The following HAUS8 variants were observed in gnomAD, a reference collection of about 807,000 sequenced individuals.
The protein encoded by HAUS8 is HAUS augmin like complex subunit 8.
A neutral mutation model predicts 42.9 loss-of-function variants in HAUS8; 38 were observed. The ratio of observed to expected loss-of-function variants is 0.89; its 90% CI spans 0.68 to 1.16. The LOEUF (loss-of-function observed/expected upper bound fraction) is 1.16, where lower values mean the gene tolerates loss of function less well. Among genes scored for constraint, HAUS8 ranks in the 50% most tolerant of loss-of-function variants. The pLI, the probability that HAUS8 is intolerant of heterozygous loss-of-function variation, is 0.00. For missense variants in HAUS8, 494 were observed against 511.6 expected, an observed-to-expected ratio of 0.97 and a Z score of 0.33; for synonymous variants, 199 against 205.8, an observed-to-expected ratio of 0.97 and a Z score of 0.28.
chr19:17,061,699 C>T (rs1432904872), intron 4 of HAUS8, among the ~76,000 whole-genome samples: 1 of 152,142 alleles, frequency 6.6e-6, no homozygotes, highest in Non-Finnish European at 1.5e-5. Context: ...TGGCCTCCAC[C>T]CACCAGACGC....
chr19:17,054,466 G>C (rs2123360520), intron 9 of HAUS8, among the ~76,000 whole-genome samples: 1 of 151,218 alleles, frequency 6.6e-6, no homozygotes, highest in Non-Finnish European at 1.5e-5. Context: ...ATCAGCCTGG[G>C]CAACATAGCC....
In HAUS8 at chr19:17,059,643, T is replaced by C. The variant is rs1380237334; in HGVS notation, c.334A>G (p.Ile112Val). Reference sequence around the variant, plus strand: ...GCTAACTGTGGCGTCTTTTTGACGATGCTTTTGTCTAAGATAAAGCACAGC... The same window carrying C: ...GCTAACTGTGGCGTCTTTTTGACGACGCTTTTGTCTAAGATAAAGCACAGC... Reference protein sequence around the residue: ...LDLSAINDKSIVKKTPQLAKT... With the variant: ...LDLSAINDKSVVKKTPQLAKT... The change falls in exon 6 of 11, where the codon ATC becomes GTC. Residue 112 changes from isoleucine (I) to valine (V), a missense_variant. Physicochemically the swap from Ile to Val is conservative, Grantham distance 29. Transcript: ENST00000253669. The C allele has an allele frequency of 1.9e-6, 3 of 1,612,270 alleles. No individual in the cohort carries two copies. The highest frequency in any genetic ancestry group is 4.5e-5 in the East Asian group (2 of 44,896).
intron 10 of HAUS8, among the ~76,000 whole-genome samples, chr19:17,050,602 T>A (rs934378443): frequency 1.3e-5 from 2 of 152,008 alleles, no homozygotes; most frequent in African/African-American, 4.8e-5. Context: ...TATACAAAAA[T>A]TTTTTTAAAA....
In HAUS8 at chr19:17,060,047, A is replaced by T. The variant is rs769447333; in HGVS notation, c.275T>A (p.Leu92Gln). 1 of 1,613,752 alleles carries T rather than the reference A, an allele frequency of 6.2e-7. No individual in the cohort carries two copies. The highest frequency in any genetic ancestry group is 1.7e-5 in the Admixed American group (1 of 59,992). The change falls in exon 5 of 11, where the codon CTG (leucine) becomes CAG (glutamine). Residue 92 changes from leucine (L) to glutamine (Q), a missense_variant. By Grantham distance (113) the Leu-to-Gln change is moderately radical. Coordinates refer to ENST00000253669, the MANE Select transcript of HAUS8 (RefSeq NM_033417.2). ...VGKGDLQSTL[L>Q]EGHGTAPPDL... The stretch of plus-strand genomic sequence containing the variant: ...AGGTGGAGCTGTGCCATGCCCTTCC[A>T]GCAACGTGGACTGCAGGTCACCCTT...
At chr19:17,073,495 C>G in intron 1 of HAUS8, 160 bp from the exon 2 acceptor site, 1 of 701,260 alleles carries the variant, frequency 1.4e-6, no homozygotes, top group Non-Finnish European at 2.6e-6. Flanking sequence ...AAAAGGGACA[C>G]AAGGAGCAGC....
chr19:17,050,268 G>A, intron 10 of HAUS8, 92 bp from the exon 11 acceptor site: 1 of 974,402 alleles, frequency 1.0e-6, no homozygotes, highest in Non-Finnish European at 1.4e-6. Flanking sequence ...CGGGGAGGCG[G>A]ATTTTCACAT....
intron 1 of HAUS8, chr19:17,073,666 C>T (rs550623759): frequency 1.4e-5 from 4 of 294,618 alleles, no homozygotes; most frequent in South Asian, 1.2e-4. Flanking sequence ...CCAGTAGAGA[C>T]ACAGTGGTAA....
Position 17,055,165 on chromosome 19 carries a change from T to A in HAUS8, c.787+696A>T, listed in dbSNP as rs1442344080. ...AAAAATATATATATATATATATATA[T>A]ATATATATATATATATATATATATA... On this transcript the variant is annotated intron_variant, in intron 9 of 10. Coordinates refer to ENST00000253669, the MANE Select transcript of HAUS8 (RefSeq NM_033417.2). The A allele has an allele frequency of 4.4e-4, 19 of 42,954 alleles. 1 individual carries two copies. The highest frequency in any genetic ancestry group is 5.4e-4 in the African/African-American group (4 of 7,352). The allele number at this position is 42,954 out of a possible 1,614,324, so 2.7% of individuals were successfully genotyped here. A position where few individuals can be genotyped will look rare whatever the true frequency, so the allele number is the denominator to read the frequency against.
At chr19:17,066,049 T>C (rs577551299) in intron 3 of HAUS8, among the ~76,000 whole-genome samples, 1 of 151,988 alleles carries the variant, frequency 6.6e-6, no homozygotes, top group Non-Finnish European at 1.5e-5. Flanking sequence ...TCAACCTCCT[T>C]GGCTCAAATG....
chr19:17,067,463 G>A lies in HAUS8; in HGVS notation c.147+1568C>T, dbSNP rs369782726. On this transcript the variant is annotated intron_variant, in intron 3 of 10. Coordinates refer to ENST00000253669, the MANE Select transcript of HAUS8 (RefSeq NM_033417.2). ...CGTTCTGTAGCTTGATTATAGAGGC[G>A]GTTCCATGACTGTCTATGTCTGTCA... 2.6e-5 allele frequency among the ~76,000 whole-genome samples: 4 copies of A among 152,096 alleles called. No individual in the cohort carries two copies. The East Asian group carries it at 5.8e-4, about 22-fold the overall frequency.
chr19:17,069,025 C>T lies in HAUS8; in HGVS notation c.147+6G>A. ...TGCTGCAAATGGAAGCTGGGTGCGG[C>T]CTTACCTTTTGGGTTGTCTTCTTTT... On this transcript the variant is annotated splice_donor_region_variant and intron_variant, in intron 3 of 10. Transcript: ENST00000253669. The T allele has an allele frequency of 6.2e-7, 1 of 1,612,298 alleles. No homozygotes were observed. The highest frequency in any genetic ancestry group is 8.5e-7 in the Non-Finnish European group (1 of 1,178,944).
rs572891367 is a variant in HAUS8, at chr19:17,071,401, G to A, written c.91+1873C>T. On this transcript the variant is annotated intron_variant, in intron 2 of 10. Coordinates refer to ENST00000253669, the MANE Select transcript of HAUS8 (RefSeq NM_033417.2). ...CGAGTGTGGGTGCAGGTGGGTGCCC[G>A]GCAGATGTGGACAATCGGAAGGCCA... Among the ~76,000 whole-genome samples, 42 of 152,142 alleles carry A rather than the reference G, an allele frequency of 2.8e-4. No homozygotes were observed. The South Asian group carries it at 3.9e-3, about 14-fold the overall frequency.
At chr19:17,074,640 G>A (rs1361805242) in intron 1 of HAUS8, 1 of 152,546 alleles carries the variant, frequency 6.6e-6, no homozygotes, top group Non-Finnish European at 1.5e-5. Context: ...GCTGCGACCT[G>A]AGGGGGGTCC....
chr19:17,055,139 A>ATATATAT (rs2057314490), intron 9 of HAUS8: 2 of 24,448 alleles, frequency 8.2e-5, no homozygotes, highest in African/African-American at 1.7e-4. Flanking sequence ...AAAAAAAAAA[A>ATATATAT]AAAAATATAT....
At chr19:17,073,363 T>G in intron 1 of HAUS8, 28 bp from the exon 2 acceptor site, 1 of 1,605,032 alleles carries the variant, frequency 6.2e-7, no homozygotes, top group Non-Finnish European at 8.5e-7. Flanking sequence ...GAGGTCTTGT[T>G]CACCTCACTA....
intron 2 of HAUS8, among the ~76,000 whole-genome samples, chr19:17,071,927 A>G (rs1489174987): frequency 6.6e-6 from 1 of 152,138 alleles, no homozygotes; most frequent in Non-Finnish European, 1.5e-5. Flanking sequence ...CGGGAGCTAC[A>G]GTGAGCCGAG....
At chr19:17,060,489 A>G (rs1257869280) in intron 4 of HAUS8, among the ~76,000 whole-genome samples, 3 of 151,610 alleles carry the variant, frequency 2.0e-5, no homozygotes, top group Admixed American at 2.0e-4. Context: ...GCTCACTGCA[A>G]CCTCCACCTC....
In HAUS8 at chr19:17,059,587, T is replaced by C. The variant is rs1295742027; in HGVS notation, c.390A>G (p.Thr130=). 1.5e-5 allele frequency: 25 copies of C among 1,613,860 alleles called. No homozygotes were observed. Among genetic ancestry groups the C allele is most frequent in the Non-Finnish European group, 2.0e-5 (24 of 1,179,902 alleles). ...AKTISKKPES[T]SFSAPRKKSP... ...TCTTTTTCCGAGGGGCAGAAAATGATGTTGACTCAGGTTTCTTTGATATTG... is the reference window on the plus strand; with the variant it reads ...TCTTTTTCCGAGGGGCAGAAAATGACGTTGACTCAGGTTTCTTTGATATTG... Residue 130 remains threonine (T), a synonymous_variant, in exon 6 of 11, where the codon ACA becomes ACG. Transcript: ENST00000253669.
intron 6 of HAUS8, 49 bp from the exon 7 acceptor site, chr19:17,058,925 TC>T: frequency 6.7e-7 from 1 of 1,491,450 alleles, no homozygotes. Flanking sequence ...GTGGTATAAA[TC>T]CAGCTCTTTT....
Sources: allele counts gnomAD v4.1 joint callset (sites outside exome capture counted in the v4.1 genomes callset), GRCh38; gene constraint gnomAD v4.1.1; transcripts MANE v1.5; gene names NCBI Gene and HGNC (gene_info 2026-07-23, HGNC 2026-07-21).